Variants in ATXN7 observed in about 807,000 individuals in gnomAD.
The protein encoded by ATXN7 is ataxin 7, also known as ataxin-7.
Under a neutral mutation model 70.5 loss-of-function variants are expected in ATXN7, and 12 were observed. That is an observed-to-expected ratio of 0.17 (90% confidence interval 0.11 to 0.28). ATXN7 has a LOEUF of 0.28. ATXN7 is among the 10% of genes least tolerant of loss of function. The pLI is 1.00. For synonymous variants in ATXN7, 498 were observed against 448.7 expected (o/e 1.11, Z -1.39); for missense variants, 1,256 against 1,131.7 (o/e 1.11, Z -1.58).
At chr3:63,882,042 C>G (rs1187508179) in intron 1 of ATXN7, among the ~76,000 whole-genome samples, 3 of 152,198 alleles carry the variant, frequency 2.0e-5, no homozygotes, top group Non-Finnish European at 4.4e-5. Context: ...CACATTTTAA[C>G]TAATAATTTC....
At chr3:63,945,163 C>A (rs1025481252) in intron 4 of ATXN7, among the ~76,000 whole-genome samples, 11 of 152,216 alleles carry the variant, frequency 7.2e-5, no homozygotes, top group Non-Finnish European at 1.5e-4. Context: ...CTCCATGGAT[C>A]ATTCAGTCTT....
intron 1 of ATXN7, among the ~76,000 whole-genome samples, chr3:63,897,554 G>T (rs987154473): frequency 3.3e-5 from 5 of 152,138 alleles, no homozygotes; most frequent in Non-Finnish European, 5.9e-5. Flanking sequence ...ATAAATAAAA[G>T]TTGAGCAAAG....
intron 4 of ATXN7, among the ~76,000 whole-genome samples, chr3:63,938,591 T>C (rs1302080573): frequency 6.6e-6 from 1 of 152,202 alleles, no homozygotes; most frequent in Non-Finnish European, 1.5e-5. Context: ...AGGTACAATG[T>C]TGAGAGAAGT....
In ATXN7 at chr3:63,980,157, C is replaced by T. The variant is rs781001506; in HGVS notation, c.742C>T (p.His248Tyr). 5.6e-6 allele frequency: 9 copies of T among 1,614,008 alleles called. No individual in the cohort carries two copies. The highest frequency in any genetic ancestry group is 7.6e-6 in the Non-Finnish European group (9 of 1,180,018). ...MHPIQQSRVP[H>Y]GRIMTPSVKV... ...TCCCATTCAGCAAAGTAGAGTTCCC[C>T]ATGGTAGAATGTGAGTATGGCCAAG... Residue 248 changes from histidine (H) to tyrosine (Y), a missense_variant, in exon 6 of 13, where the codon CAT becomes TAT. Transcript: ENST00000674280.
Position 63,913,220 on chromosome 3 carries a change from G to C in ATXN7, c.389G>C (p.Arg130Pro). Residue 130 changes from arginine (R) to proline (P), a missense_variant, in exon 4 of 13, where the codon CGG becomes CCG. Arg to Pro is a moderately radical substitution (Grantham distance 103). Transcript: ENST00000674280. ...AACCGCGAAGTCATGGGGCTCTGTC[G>C]GGAAGGTGAGTCCAGCCCCCCTGAT... ...GKNREVMGLC[R>P]EDMPIFGFCP... 6.2e-7 allele frequency: 1 copy of C among 1,613,790 alleles called. No individual in the cohort carries two copies. The highest frequency in any genetic ancestry group is 2.2e-5 in the East Asian group (1 of 44,836).
At chr3:63,926,331 G>T (rs1307021628) in intron 4 of ATXN7, among the ~76,000 whole-genome samples, 1 of 152,138 alleles carries the variant, frequency 6.6e-6, no homozygotes, top group Non-Finnish European at 1.5e-5. Flanking sequence ...AAAAGATGAA[G>T]TATGGGAAAT....
At chr3:63,894,241 C>T (rs966546184) in intron 1 of ATXN7, among the ~76,000 whole-genome samples, 4 of 152,154 alleles carry the variant, frequency 2.6e-5, no homozygotes, top group Admixed American at 6.5e-5. Context: ...GAAAGTTGGC[C>T]CCTGTGGCCA....
intron 1 of ATXN7, among the ~76,000 whole-genome samples, chr3:63,877,067 T>C (rs929577576): frequency 3.9e-5 from 6 of 152,232 alleles, no homozygotes; most frequent in African/African-American, 1.4e-4. Flanking sequence ...ATGGTTTTTT[T>C]AATTTAAGAG....
rs766786119 is a variant in ATXN7, at chr3:63,912,767, C to G, written c.169C>G (p.Arg57Gly). The G allele has an allele frequency of 1.4e-6, 2 of 1,402,606 alleles. No homozygotes were observed. The highest frequency in any genetic ancestry group is 6.6e-5 in the Admixed American group (2 of 30,152). 86.9% of individuals were successfully genotyped at this position (1,402,606 alleles called of 1,614,324 possible). Residue 57 changes from arginine (R) to glycine (G), a missense_variant, in exon 3 of 13, where the codon CGC becomes GGC. Coordinates refer to ENST00000674280, the MANE Select transcript of ATXN7 (RefSeq NM_001377405.1). ...RQQHPPPPPR[R>G]TRPEDGGPGA... Reference sequence around the variant, plus strand: ...GCAGCACCCGCCACCGCCGCCACGGCGCACACGGCCGGAGGACGGCGGGCC... The same window carrying G: ...GCAGCACCCGCCACCGCCGCCACGGGGCACACGGCCGGAGGACGGCGGGCC...
chr3:63,955,046 C>T (rs1249056034), intron 5 of ATXN7, among the ~76,000 whole-genome samples: 2 of 152,296 alleles, frequency 1.3e-5, no homozygotes, highest in South Asian at 2.1e-4. Flanking sequence ...CTGTCTTTCT[C>T]CTTTCCTGCC....
intron 4 of ATXN7, among the ~76,000 whole-genome samples, chr3:63,941,330 G>T (rs2074763898): frequency 2.0e-5 from 3 of 152,286 alleles, no homozygotes; most frequent in South Asian, 4.1e-4. Context: ...GGGAGAGAGA[G>T]AGGAATGAGC....
In ATXN7 at chr3:64,003,205, C is replaced by CTTTTTTTTTTTT. The variant is rs754267860; in HGVS notation, c.*3751_*3762dup. On this transcript the variant is annotated 3_prime_UTR_variant, in exon 13 of 13. Transcript: ENST00000674280. The stretch of plus-strand genomic sequence containing the variant: ...AATGTAGGGCCTTGAAAGCATTTTG[C>CTTTTTTTTTTTT]TTTTTTTTTTTTTTTTTTTTTTTTG... The CTTTTTTTTTTTT allele has an allele frequency of 7.9e-5, 6 of 75,532 alleles. No homozygotes were observed. Among genetic ancestry groups the CTTTTTTTTTTTT allele is most frequent in the East Asian group, 4.3e-4 (1 of 2,322 alleles). The allele number at this position is 75,532 out of a possible 1,614,324, so 4.7% of individuals were successfully genotyped here.
intron 4 of ATXN7, among the ~76,000 whole-genome samples, chr3:63,940,355 C>T (rs1247383862): frequency 1.3e-5 from 2 of 151,404 alleles, no homozygotes; most frequent in East Asian, 2.0e-4. Flanking sequence ...GGGAGCCTTA[C>T]GGCAGACATA....
chr3:63,923,210 G>C (rs1245944252), intron 4 of ATXN7, among the ~76,000 whole-genome samples: 1 of 152,178 alleles, frequency 6.6e-6, no homozygotes, highest in Non-Finnish European at 1.5e-5. Context: ...AAAGTCTGAG[G>C]ATACAACTCC....
chr3:63,930,491 A>G (rs1215821298), intron 4 of ATXN7, among the ~76,000 whole-genome samples: 6 of 152,078 alleles, frequency 3.9e-5, no homozygotes, highest in Non-Finnish European at 1.5e-5. Flanking sequence ...TCCAGAGTGG[A>G]AGAATAGCCA....
At chr3:63,924,436 T>C (rs773273048) in intron 4 of ATXN7, among the ~76,000 whole-genome samples, 42 of 151,852 alleles carry the variant, frequency 2.8e-4, no homozygotes, top group Non-Finnish European at 3.8e-4. Flanking sequence ...TAGGTTTGTT[T>C]CCTAATATAG....
intron 4 of ATXN7, among the ~76,000 whole-genome samples, chr3:63,929,082 A>T (rs1159910249): frequency 1.3e-5 from 2 of 152,122 alleles, no homozygotes; most frequent in African/African-American, 4.8e-5. Context: ...GCAAATCCTA[A>T]TGGTTAGTTG....
At position 63,965,907 on chromosome 3, in the gene ATXN7, C is replaced by T. The variant is rs1468487852; in HGVS notation, c.499+13424C>T. The stretch of plus-strand genomic sequence containing the variant: ...TCCTGGCATACACGACCATTCATCC[C>T]TTTTCTGATGTAGGTCTTAAAAATA... On this transcript the variant is annotated intron_variant, in intron 5 of 12. Transcript: ENST00000674280. Among the ~76,000 whole-genome samples the T allele has an allele frequency of 2.0e-5, 3 of 152,178 alleles. No individual in the cohort carries two copies. In the East Asian group the frequency reaches 5.8e-4, roughly 29 times the overall value.
At chr3:63,976,310 T>C (rs1297849789) in intron 5 of ATXN7, among the ~76,000 whole-genome samples, 1 of 152,238 alleles carries the variant, frequency 6.6e-6, no homozygotes, top group Non-Finnish European at 1.5e-5. Context: ...GAAAGCCAGA[T>C]GCTGTCCTTT....
Sources: gnomAD v4.1 joint callset for allele counts (sites outside exome capture counted in the v4.1 genomes callset) on GRCh38, gnomAD v4.1.1 for gene constraint, MANE v1.5 for transcripts, NCBI Gene and HGNC (gene_info 2026-07-23, HGNC 2026-07-21) for gene names.